Variants in SPON1 observed in about 807,000 individuals in gnomAD.
The protein encoded by SPON1 is spondin 1, also known as spondin-1.
A neutral mutation model predicts 111.7 loss-of-function variants in SPON1; 52 were observed. That is an observed-to-expected ratio of 0.47 (90% CI 0.37 to 0.59). The LOEUF (loss-of-function observed/expected upper bound fraction) is 0.59, where lower values mean the gene tolerates loss of function less well. Among genes scored for constraint, SPON1 ranks in the 20% least tolerant of loss-of-function variants. The probability of loss-of-function intolerance (pLI) is 0.00; values close to 1 mark genes in which losing one functional copy is unlikely to be tolerated. For synonymous variants in SPON1, 410 were observed against 395.8 expected (o/e 1.04, Z -0.43); for missense variants, 957 against 1,068.5 (o/e 0.90, Z 1.46).
rs182977533 is a variant in SPON1, at chr11:14,113,928, A to C, written c.677-21492A>C. ...CAAATTTTTATTTAAATGTTTCTGCATACAGAGTGGGTTTATATGTGTATA... is the reference window on the plus strand; with the variant it reads ...CAAATTTTTATTTAAATGTTTCTGCCTACAGAGTGGGTTTATATGTGTATA... On this transcript the variant is annotated intron_variant, in intron 5 of 15. Transcript: ENST00000576479. Among the ~76,000 whole-genome samples the C allele has an allele frequency of 2.4e-4, 37 of 152,204 alleles. No individual in the cohort carries two copies. The South Asian group carries it at 3.3e-3, about 14-fold the overall frequency.
chr11:14,209,267 A>G (rs1287048611), intron 6 of SPON1, among the ~76,000 whole-genome samples: 3 of 152,032 alleles, frequency 2.0e-5, no homozygotes, highest in Non-Finnish European at 4.4e-5. Context: ...AAGAAAAATA[A>G]TTTTTTTATT....
intron 5 of SPON1, among the ~76,000 whole-genome samples, chr11:14,134,466 C>T (rs779489154): frequency 2.0e-5 from 3 of 152,154 alleles, no homozygotes; most frequent in Non-Finnish European, 4.4e-5. Context: ...TAATTCCCTC[C>T]CACATCCCAC....
At chr11:14,159,964 A>G (rs1420858583) in intron 6 of SPON1, among the ~76,000 whole-genome samples, 4 of 152,084 alleles carry the variant, frequency 2.6e-5, no homozygotes, top group Non-Finnish European at 5.9e-5. Context: ...ACGAATGAGT[A>G]CAACCTATTT....
chr11:14,158,896 T>A (rs1554930644), intron 6 of SPON1, among the ~76,000 whole-genome samples: 1 of 152,146 alleles, frequency 6.6e-6, no homozygotes, highest in Non-Finnish European at 1.5e-5. Context: ...TCTAACCCAA[T>A]CTCACTTGCT....
intron 2 of SPON1, among the ~76,000 whole-genome samples, chr11:14,009,380 A>G (rs936400761): frequency 6.6e-6 from 1 of 152,120 alleles, no homozygotes; most frequent in African/African-American, 2.4e-5. Flanking sequence ...GCCCCAGGGT[A>G]TGTGTAGAGA....
At chr11:14,219,747 T>C (rs1266206271) in intron 6 of SPON1, among the ~76,000 whole-genome samples, 2 of 152,222 alleles carry the variant, frequency 1.3e-5, no homozygotes, top group African/African-American at 4.8e-5. Flanking sequence ...CCAGATCTAT[T>C]CCCATAATGG....
chr11:14,082,530 G>A (rs1554922151), intron 5 of SPON1, among the ~76,000 whole-genome samples: 1 of 152,182 alleles, frequency 6.6e-6, no homozygotes, highest in Non-Finnish European at 1.5e-5. Context: ...CCCAAGCACT[G>A]TGTACTGATT....
chr11:14,028,970 A>G (rs1848539123), intron 2 of SPON1, among the ~76,000 whole-genome samples: 1 of 152,002 alleles, frequency 6.6e-6, no homozygotes, highest in Admixed American at 6.6e-5. Flanking sequence ...TCTAGAGGAG[A>G]TAGCTCTTTT....
chr11:14,070,842 G>A (rs1243647652), intron 3 of SPON1, among the ~76,000 whole-genome samples: 1 of 152,132 alleles, frequency 6.6e-6, no homozygotes, highest in Non-Finnish European at 1.5e-5. Flanking sequence ...AAAGGGCTGA[G>A]CACCTAAGAG....
In SPON1 at chr11:14,265,724, CCA is replaced by C. The variant is rs1849258892; in HGVS notation, c.*38_*39del. On this transcript the variant is annotated 3_prime_UTR_variant, in exon 16 of 16. Transcript: ENST00000576479. Reference sequence around the variant, plus strand: ...GTTCCCCAGGGCTGCACTCTAGATTCCAGAGTCACCAATGGCTGGATTATTTG... The same window carrying C: ...GTTCCCCAGGGCTGCACTCTAGATTCGAGTCACCAATGGCTGGATTATTTG... 1 of 1,596,324 alleles carries C rather than the reference CCA, an allele frequency of 6.3e-7. No individual in the cohort carries two copies. Among genetic ancestry groups the C allele is most frequent in the Non-Finnish European group, 8.5e-7 (1 of 1,170,176 alleles).
intron 3 of SPON1, among the ~76,000 whole-genome samples, chr11:14,055,487 A>T (rs376243004): frequency 6.6e-6 from 1 of 152,332 alleles, no homozygotes; most frequent in South Asian, 2.1e-4. Context: ...TTATTTGTAG[A>T]TTATGAGATC....
chr11:14,057,924 A>G (rs1355721125), intron 3 of SPON1, among the ~76,000 whole-genome samples: 1 of 151,912 alleles, frequency 6.6e-6, no homozygotes, highest in Non-Finnish European at 1.5e-5. Context: ...GGCTGAGGTA[A>G]GAGGATCACT....
intron 2 of SPON1, among the ~76,000 whole-genome samples, chr11:14,023,216 T>A (rs1848493501): frequency 1.3e-5 from 2 of 152,158 alleles, no homozygotes; most frequent in Admixed American, 6.5e-5. Flanking sequence ...CCACTGGAAG[T>A]CTTTAAACAG....
In SPON1 at chr11:14,228,114, A is replaced by G. The variant is rs1554938310; in HGVS notation, c.826-15218A>G. On this transcript the variant is annotated intron_variant, in intron 6 of 15. Transcript: ENST00000576479. This position sits in a 1 kb window ranked among gnomAD's most constrained non-coding sequence, Gnocchi z 4.2. ...GTGATGGGTGATGCTGTTTTGCTGA[A>G]ATTAAATGACTGCTCACAATCTCGA... 6.6e-6 allele frequency among the ~76,000 whole-genome samples: 1 copy of G among 152,188 alleles called. No individual in the cohort carries two copies. Among genetic ancestry groups the G allele is most frequent in the African/African-American group, 2.4e-5 (1 of 41,452 alleles).
chr11:14,260,521 G>A, intron 13 of SPON1, 67 bp from the exon 14 acceptor site: 1 of 1,534,016 alleles, frequency 6.5e-7, no homozygotes, highest in East Asian at 2.3e-5. Context: ...GGAACACTGT[G>A]GGGTCAGGGA....
chr11:14,156,156 T>C (rs28895310), intron 6 of SPON1, among the ~76,000 whole-genome samples: 9,164 of 84,848 alleles, frequency 0.11, 660 homozygotes, highest in East Asian at 0.19. Flanking sequence ...CCAGCACCTG[T>C]TGTTTCCTGA....
At chr11:14,263,073 A>C (rs1849208793) in intron 15 of SPON1, 98 bp downstream of exon 15, 11 of 1,206,400 alleles carry the variant, frequency 9.1e-6, no homozygotes, top group African/African-American at 1.5e-5. Context: ...AAAAAAAAAA[A>C]AGTCGGGGAG....
chr11:14,170,174 G>T (rs1198146538), intron 6 of SPON1, among the ~76,000 whole-genome samples: 1 of 152,100 alleles, frequency 6.6e-6, no homozygotes, highest in Non-Finnish European at 1.5e-5. Context: ...ATTACATTGA[G>T]CAGTGGTTTG....
intron 3 of SPON1, among the ~76,000 whole-genome samples, chr11:14,064,443 A>G (rs1311045824): frequency 6.6e-6 from 1 of 152,218 alleles, no homozygotes; most frequent in African/African-American, 2.4e-5. Context: ...AGAGGAGGGT[A>G]GAAGTGAGGA....
Sources: allele counts gnomAD v4.1 joint callset (sites outside exome capture counted in the v4.1 genomes callset), GRCh38; gene constraint gnomAD v4.1.1; non-coding constraint Gnocchi (gnomAD v3.1); transcripts MANE v1.5; gene names NCBI Gene and HGNC (gene_info 2026-07-23, HGNC 2026-07-21).